Variants in CNIH3 observed in about 807,000 individuals in gnomAD.
CNIH3 encodes cornichon family AMPA receptor auxiliary protein 3, also known as protein cornichon homolog 3.
Under a neutral mutation model 24.1 loss-of-function variants are expected in CNIH3, and 14 were observed. The ratio of observed to expected loss-of-function variants is 0.58; its 90% CI spans 0.38 to 0.91. The LOEUF is 0.91. CNIH3 is among the 40% of genes least tolerant of loss of function. The probability of loss-of-function intolerance (pLI) is 0.00; values close to 1 mark genes in which losing one functional copy is unlikely to be tolerated. For synonymous variants in CNIH3, 68 were observed against 73.8 expected (o/e 0.92, Z 0.40); for missense variants, 178 against 196.8 (o/e 0.90, Z 0.57).
At chr1:224,724,929 G>A (rs1297482628) in intron 3 of CNIH3, among the ~76,000 whole-genome samples, 3 of 152,074 alleles carry the variant, frequency 2.0e-5, no homozygotes, top group South Asian at 2.1e-4. Context: ...AATAATGACC[G>A]GCCAGGCATG....
chr1:224,682,744 G>A (rs1217332277), intron 2 of CNIH3, among the ~76,000 whole-genome samples: 1 of 152,184 alleles, frequency 6.6e-6, no homozygotes, highest in African/African-American at 2.4e-5. Context: ...AGCGGCTCTA[G>A]TCTGAGAGAC....
At chr1:224,657,437 T>A (rs1685151263) in intron 1 of CNIH3, among the ~76,000 whole-genome samples, 2 of 150,174 alleles carry the variant, frequency 1.3e-5, no homozygotes, top group South Asian at 4.2e-4. Flanking sequence ...GAGAGAGAAA[T>A]ATGCCTCACA....
At chr1:224,675,755 A>G (rs1460142094) in intron 1 of CNIH3, among the ~76,000 whole-genome samples, 1 of 152,212 alleles carries the variant, frequency 6.6e-6, no homozygotes, top group Non-Finnish European at 1.5e-5. Flanking sequence ...AGGAATGCAA[A>G]TTACAGCTGT....
intron 1 of CNIH3, among the ~76,000 whole-genome samples, chr1:224,452,616 C>T (rs548463455): frequency 3.3e-5 from 5 of 150,740 alleles, no homozygotes; most frequent in Admixed American, 2.6e-4. Context: ...CCCGTCTCTA[C>T]TAAAAATACA....
intron 1 of CNIH3, among the ~76,000 whole-genome samples, chr1:224,499,277 C>T (rs1464936837): frequency 6.6e-6 from 1 of 152,202 alleles, no homozygotes; most frequent in Non-Finnish European, 1.5e-5. Flanking sequence ...TTTGGACTCT[C>T]TGCTGTATAC....
At chr1:224,529,302 T>G (rs561432407) in intron 2 of CNIH3, 2 of 152,374 alleles carry the variant, frequency 1.3e-5, no homozygotes, top group East Asian at 3.9e-4. Context: ...AGTTAATTTA[T>G]TTAGCAGCAT....
chr1:224,457,511 A>ATT (rs943521801), intron 1 of CNIH3, among the ~76,000 whole-genome samples: 3,124 of 111,154 alleles, frequency 0.028, 103 homozygotes, highest in African/African-American at 0.056. Flanking sequence ...TGGTCTGGGG[A>ATT]TTTTTTTTTT....
chr1:224,444,934 C>T (rs987267104), intron 1 of CNIH3, among the ~76,000 whole-genome samples: 4 of 151,460 alleles, frequency 2.6e-5, no homozygotes, highest in African/African-American at 9.7e-5. Context: ...TAAGCCACCA[C>T]GCCCGGCCCT....
chr1:224,451,042 A>G (rs1317993848), intron 1 of CNIH3, among the ~76,000 whole-genome samples: 3 of 152,186 alleles, frequency 2.0e-5, no homozygotes. Flanking sequence ...GTGCTCCCTG[A>G]AAAACAAGAT....
At chr1:224,653,740 C>A (rs900373918) in intron 1 of CNIH3, among the ~76,000 whole-genome samples, 6 of 152,214 alleles carry the variant, frequency 3.9e-5, no homozygotes, top group Non-Finnish European at 8.8e-5. Flanking sequence ...TGGCCTATAT[C>A]TGTTTTGAAC....
chr1:224,661,356 A>G, intron 1 of CNIH3: 1 of 282,262 alleles, frequency 3.5e-6, no homozygotes, highest in South Asian at 4.4e-5. Context: ...CACTACCACC[A>G]AATGATGTGG....
At chr1:224,456,005 T>A (rs1001323287) in intron 1 of CNIH3, among the ~76,000 whole-genome samples, 1 of 152,208 alleles carries the variant, frequency 6.6e-6, no homozygotes. Context: ...TATATAGCAT[T>A]TAAAGTGTAT....
At chr1:224,602,165 G>C (rs1454221905) in intron 3 of CNIH3, among the ~76,000 whole-genome samples, 1 of 152,154 alleles carries the variant, frequency 6.6e-6, no homozygotes, top group Non-Finnish European at 1.5e-5. Flanking sequence ...ACATTTTACT[G>C]TCTTGATTTA....
chr1:224,692,728 G>A (rs1442519696), intron 3 of CNIH3, among the ~76,000 whole-genome samples: 2 of 152,178 alleles, frequency 1.3e-5, no homozygotes, highest in African/African-American at 2.4e-5. Flanking sequence ...GTATATATCC[G>A]AGAGTCTCCT....
intron 1 of CNIH3, among the ~76,000 whole-genome samples, chr1:224,455,824 A>G (rs1675626160): frequency 6.6e-6 from 1 of 152,240 alleles, no homozygotes; most frequent in South Asian, 2.1e-4. Context: ...TGGTCCAGGT[A>G]TAAACATTGT....
chr1:224,562,267 GGTC>G (rs1252705609), intron 3 of CNIH3, among the ~76,000 whole-genome samples: 3 of 151,978 alleles, frequency 2.0e-5, no homozygotes, highest in Non-Finnish European at 1.5e-5. Flanking sequence ...CCTTTCCTGG[GGTC>G]TTCCCTGCTG....
intron 2 of CNIH3, among the ~76,000 whole-genome samples, chr1:224,524,550 CAG>C (rs751887504): frequency 2.0e-5 from 3 of 152,074 alleles, no homozygotes; most frequent in South Asian, 2.1e-4. Context: ...GGTGCAAAAA[CAG>C]GGGCATAATT....
At chr1:224,506,797 T>C (rs367870117) in intron 1 of CNIH3, among the ~76,000 whole-genome samples, 1 of 152,144 alleles carries the variant, frequency 6.6e-6, no homozygotes, top group Non-Finnish European at 1.5e-5. Flanking sequence ...AGTGATCACA[T>C]TTTAATTATC....
chr1:224,655,506 C>T (rs747678304), intron 1 of CNIH3, among the ~76,000 whole-genome samples: 43 of 152,216 alleles, frequency 2.8e-4, no homozygotes, highest in Non-Finnish European at 5.0e-4. Flanking sequence ...TTAGACTCCT[C>T]GGTTTTCACA....
Sources: allele counts gnomAD v4.1 joint callset (sites outside exome capture counted in the v4.1 genomes callset), GRCh38; gene constraint gnomAD v4.1.1; transcripts MANE v1.5; gene names NCBI Gene and HGNC (gene_info 2026-07-23, HGNC 2026-07-21).